Variants in MAD1L1 observed in about 807,000 individuals in gnomAD.
MAD1L1 encodes the protein mitotic spindle assembly checkpoint protein MAD1.
A neutral mutation model predicts 96.9 loss-of-function variants in MAD1L1; 95 were observed. The observed-to-expected ratio is 0.98, with a 90% confidence interval of 0.83 to 1.16. MAD1L1 has a LOEUF of 1.16. MAD1L1 is among the 50% of genes most tolerant of loss of function. The pLI is 0.00. For missense variants in MAD1L1, 1,007 were observed against 954.4 expected (o/e 1.06, Z -0.73); for synonymous variants, 473 against 396.6 (o/e 1.19, Z -2.29).
chr7:1,944,315 C>T (rs1201340054), intron 16 of MAD1L1, among the ~76,000 whole-genome samples: 1 of 152,162 alleles, frequency 6.6e-6, no homozygotes, highest in Non-Finnish European at 1.5e-5. Context: ...TAGCCGTGGA[C>T]ATAAAAGTCG....
At chr7:1,882,767 G>C (rs543977125) in intron 18 of MAD1L1, among the ~76,000 whole-genome samples, 1 of 152,208 alleles carries the variant, frequency 6.6e-6, no homozygotes, top group Non-Finnish European at 1.5e-5. Context: ...CCACCGCTGG[G>C]GTCCACACCC....
intron 11 of MAD1L1, among the ~76,000 whole-genome samples, chr7:2,075,372 T>C (rs1785327252): frequency 6.6e-6 from 1 of 152,200 alleles, no homozygotes; most frequent in South Asian, 2.1e-4. Flanking sequence ...CCCAGCACGC[T>C]GAGCCACAGC....
intron 15 of MAD1L1, among the ~76,000 whole-genome samples, chr7:1,976,091 A>G (rs1187621523): frequency 3.3e-5 from 5 of 152,216 alleles, no homozygotes; most frequent in Non-Finnish European, 5.9e-5. Context: ...TATGTGATAC[A>G]TGTCATTCAC....
At chr7:2,105,404 G>C (rs1161309793) in intron 11 of MAD1L1, among the ~76,000 whole-genome samples, 1 of 144,350 alleles carries the variant, frequency 6.9e-6, no homozygotes, top group Non-Finnish European at 1.5e-5. Flanking sequence ...GTCTCTGCTG[G>C]CCTGGCAGCA....
intron 15 of MAD1L1, among the ~76,000 whole-genome samples, chr7:1,973,970 C>T (rs370539394): frequency 6.6e-6 from 1 of 152,366 alleles, no homozygotes; most frequent in African/African-American, 2.4e-5. Context: ...AGGGGCCACG[C>T]TGATGCTGCT....
chr7:1,879,247 G>A (rs1309199985), intron 18 of MAD1L1, among the ~76,000 whole-genome samples: 1 of 152,130 alleles, frequency 6.6e-6, no homozygotes, highest in Non-Finnish European at 1.5e-5. Context: ...CCTGAAGTCA[G>A]GAGTTCGAGA....
intron 11 of MAD1L1, among the ~76,000 whole-genome samples, chr7:2,134,845 T>A (rs1412315391): frequency 6.6e-6 from 1 of 152,224 alleles, no homozygotes; most frequent in East Asian, 1.9e-4. Context: ...ACACCCCTGC[T>A]GCTCATCTAG....
intron 4 of MAD1L1, among the ~76,000 whole-genome samples, chr7:2,223,061 C>A (rs1290523880): frequency 1.3e-5 from 2 of 152,192 alleles, no homozygotes; most frequent in Admixed American, 6.5e-5. Flanking sequence ...GGAGAGGGGG[C>A]ATGGGAAATC....
intron 18 of MAD1L1, among the ~76,000 whole-genome samples, 174 bp from the exon 19 acceptor site, chr7:1,816,402 G>T (rs1313597139): frequency 6.6e-6 from 1 of 152,152 alleles, no homozygotes; most frequent in African/African-American, 2.4e-5. Context: ...CACCTAAAGG[G>T]ACTGAATTAA....
At chr7:2,118,098 T>C (rs952099124) in intron 11 of MAD1L1, among the ~76,000 whole-genome samples, 9 of 152,104 alleles carry the variant, frequency 5.9e-5, no homozygotes, top group Non-Finnish European at 1.3e-4. Flanking sequence ...CAGTGCCCCT[T>C]ACCCACCCTC....
rs1009792576 is a variant in MAD1L1 at position 2,088,492 on chromosome 7, G to A, written c.1074-19154C>T. Among the ~76,000 whole-genome samples, 4 of 152,076 alleles carry A rather than the reference G, an allele frequency of 2.6e-5. No individual in the cohort carries two copies. Among genetic ancestry groups the A allele is most frequent in the East Asian group, 1.9e-4 (1 of 5,196 alleles). ...TCCCCGCTTGCCTCCAGGGAACACC[G>A]CCCCAGCCTCGAGTGCCACCATGAC... On this transcript the variant is annotated intron_variant, in intron 11 of 18. Transcript: ENST00000265854. This position sits in a 1 kb window ranked among gnomAD's most constrained non-coding sequence, Gnocchi z 4.4.
chr7:2,088,831 G>C lies in MAD1L1; in HGVS notation c.1074-19493C>G, dbSNP rs1025032523. On this transcript the variant is annotated intron_variant, in intron 11 of 18. Transcript: ENST00000265854. The surrounding 1 kb of genome is among the most constrained non-coding windows in gnomAD (Gnocchi z 4.4). ...CAAGTCCAGGGTCCACAGAGGAGTT[G>C]TGAAGGTTCACACAGGGCTGGTGCT... 3 of 152,352 alleles carry C rather than the reference G, an allele frequency of 2.0e-5. No individual in the cohort carries two copies. The highest frequency in any genetic ancestry group is 4.4e-5 in the Non-Finnish European group (3 of 68,130). The allele number at this position is 152,352 out of a possible 1,614,324, so 9.4% of individuals were successfully genotyped here. A position where few individuals can be genotyped will look rare whatever the true frequency, so the allele number is the denominator to read the frequency against.
chr7:2,100,181 C>T (rs955076711), intron 11 of MAD1L1, among the ~76,000 whole-genome samples: 11 of 152,234 alleles, frequency 7.2e-5, no homozygotes, highest in Admixed American at 4.6e-4. Context: ...GCGCAGTCAG[C>T]TGCAAGTACT....
intron 12 of MAD1L1, among the ~76,000 whole-genome samples, chr7:2,049,522 AT>A (rs1469478092): frequency 6.6e-6 from 1 of 152,070 alleles, no homozygotes; most frequent in Non-Finnish European, 1.5e-5. Context: ...ACACACACAG[AT>A]TTTCAAAGAG....
At chr7:1,994,374 A>T (rs2128489874) in intron 14 of MAD1L1, among the ~76,000 whole-genome samples, 1 of 152,322 alleles carries the variant, frequency 6.6e-6, no homozygotes, top group South Asian at 2.1e-4. Flanking sequence ...CTGAACTGAA[A>T]AGACATCCTC....
intron 10 of MAD1L1, among the ~76,000 whole-genome samples, chr7:2,187,478 C>T (rs906222690): frequency 4.6e-5 from 7 of 152,182 alleles, no homozygotes; most frequent in South Asian, 2.1e-4. Context: ...AGGGGCACCA[C>T]GTGGGGTCTC....
At chr7:2,099,372 G>T (rs1007493553) in intron 11 of MAD1L1, among the ~76,000 whole-genome samples, 1 of 152,190 alleles carries the variant, frequency 6.6e-6, no homozygotes. Context: ...CCTTGGCTTC[G>T]TTAGCATTCA....
At chr7:2,198,774 A>C (rs1792126584) in intron 10 of MAD1L1, among the ~76,000 whole-genome samples, 1 of 152,148 alleles carries the variant, frequency 6.6e-6, no homozygotes, top group Non-Finnish European at 1.5e-5. Context: ...TCCAGGTGTT[A>C]AAGCAGGTGC....
intron 12 of MAD1L1, among the ~76,000 whole-genome samples, chr7:2,040,372 G>A (rs1296812089): frequency 1.3e-5 from 2 of 152,130 alleles, no homozygotes; most frequent in African/African-American, 2.4e-5. Flanking sequence ...CACCGGCACC[G>A]GGGACTTTGT....
Sources: gnomAD v4.1 joint callset for allele counts (sites outside exome capture counted in the v4.1 genomes callset) on GRCh38, gnomAD v4.1.1 for gene constraint, Gnocchi (gnomAD v3.1) non-coding constraint, MANE v1.5 for transcripts, NCBI Gene and HGNC (gene_info 2026-07-23, HGNC 2026-07-21) for gene names.